Variants in SCO2 observed in about 807,000 individuals in gnomAD.
SCO2 encodes the protein synthesis of cytochrome C oxidase 2.
For synonymous variants in SCO2, 195 were observed against 148.6 expected (o/e 1.31, Z -2.27); for missense variants, 429 against 348.7 (o/e 1.23, Z -1.83).
upstream of SCO2, chr22:50,526,438 G>C: frequency 6.7e-7 from 1 of 1,497,886 alleles, no homozygotes; most frequent in Non-Finnish European, 8.8e-7. Flanking sequence ...CCCTGGGCCT[G>C]AGTCCCCGCG....
chr22:50,524,191 G>T lies in SCO2; in HGVS notation c.221C>A (p.Ala74Asp), dbSNP rs773919773. 11 of 1,608,654 alleles carry T rather than the reference G, an allele frequency of 6.8e-6. No individual in the cohort carries two copies. The Admixed American group carries it at 1.7e-4, about 24-fold the overall frequency. Reference protein sequence around the residue: ...TGLFGAGLGGAWLALRAEKER... With the variant: ...TGLFGAGLGGDWLALRAEKER... ...CTTCTCAGCCCTCAGGGCCAGCCAG[G>T]CCCCACCGAGTCCAGCCCCGAACAG... The change falls in exon 2 of 2, where the codon GCC becomes GAC. Residue 74 changes from alanine (A) to aspartate (D), a missense_variant. Ala to Asp is a moderately radical substitution (Grantham distance 126). Coordinates refer to ENST00000395693, the MANE Select transcript of SCO2 (RefSeq NM_005138.3).
At chr22:50,525,706 C>A, upstream of SCO2, 2 of 1,572,370 alleles carry the variant, frequency 1.3e-6, no homozygotes, top group East Asian at 2.4e-5. Context: ...CGGCCCCCGC[C>A]TCCGCAGCCC....
At chr22:50,525,390 A>G (rs1012965864) in intron 1 of SCO2, 82 bp downstream of exon 1, 2 of 301,120 alleles carry the variant, frequency 6.6e-6, no homozygotes, top group East Asian at 1.1e-4. Context: ...AGCCCCGCGC[A>G]GTAGCCGGAG....
upstream of SCO2, chr22:50,525,631 C>T (rs993040913): frequency 3.0e-6 from 4 of 1,332,742 alleles, no homozygotes; most frequent in Non-Finnish European, 2.1e-6. Flanking sequence ...CGGGCGCAGC[C>T]GCTGACAGGC....
At chr22:50,525,880 G>C, upstream of SCO2, 1 of 1,583,790 alleles carries the variant, frequency 6.3e-7, no homozygotes. Flanking sequence ...GGGCCGCTGA[G>C]CGCGGGGCCG....
chr22:50,525,969 T>TGCGGGGCC, upstream of SCO2: 4 of 1,372,786 alleles, frequency 2.9e-6, no homozygotes, highest in Admixed American at 3.6e-5. Context: ...TGGGCGGGGG[T>TGCGGGGCC]GCGGGGCCAG....
At position 50,524,341 on chromosome 22, in the gene SCO2, C is replaced by T; in HGVS notation, c.71G>A (p.Gly24Glu). 1 of 1,601,778 alleles carries T rather than the reference C, an allele frequency of 6.2e-7. No individual in the cohort carries two copies. The highest frequency in any genetic ancestry group is 8.5e-7 in the Non-Finnish European group (1 of 1,179,932). Residue 24 changes from glycine to glutamate, a missense_variant, in exon 2 of 2, where the codon GGG becomes GAG. Coordinates refer to ENST00000395693, the MANE Select transcript of SCO2 (RefSeq NM_005138.3). Reference sequence around the variant, plus strand: ...ATGCAGGGCCTGGCCTCCCAGGGTCCCAGGGAGGACCCGAGGCTTGAGCTG... The same window carrying T: ...ATGCAGGGCCTGGCCTCCCAGGGTCTCAGGGAGGACCCGAGGCTTGAGCTG... ...LSQLKPRVLP[G>E]TLGGQALHLR... is the part of the protein sequence containing the mutation.
chr22:50,526,189 C>T (rs113802488), upstream of SCO2: 9,302 of 1,478,040 alleles, frequency 6.3e-3, 416 homozygotes, highest in African/African-American at 0.11. Context: ...GGGGCGGGGC[C>T]TCGGGAAGGG....
At chr22:50,525,624 G>T, upstream of SCO2, 1 of 1,263,936 alleles carries the variant, frequency 7.9e-7, no homozygotes, top group Non-Finnish European at 1.1e-6. Context: ...GCGCACACGG[G>T]CGCAGCCGCT....
chr22:50,526,101 C>T (rs906039407), upstream of SCO2: 10 of 1,490,042 alleles, frequency 6.7e-6, no homozygotes, highest in Non-Finnish European at 8.9e-6. Context: ...GCTCGTGCAG[C>T]ACCAGCGCCA....
chr22:50,524,268 C>T lies in SCO2; in HGVS notation c.144G>A (p.Gly48=), dbSNP rs763296606. Residue 48 remains glycine, a synonymous_variant, in exon 2 of 2, where the codon GGG becomes GGA. Transcript: ENST00000395693. ...GCCCAGGGCCCTGGGGCTGGCCCTGCCCACCTGTCTCTGCAGGGCCCTGCC... is the reference window on the plus strand; with the variant it reads ...GCCCAGGGCCCTGGGGCTGGCCCTGTCCACCTGTCTCTGCAGGGCCCTGCC... ...LSRQGPAETG[G]QGQPQGPGLR... The T allele has an allele frequency of 2.5e-6, 4 of 1,604,364 alleles. No individual in the cohort carries two copies. The highest frequency in any genetic ancestry group is 3.4e-6 in the Non-Finnish European group (4 of 1,179,810).
In SCO2 at chr22:50,523,693, T is replaced by C. The variant is rs751314207; in HGVS notation, c.719A>G (p.Tyr240Cys). 1.1e-5 allele frequency: 17 copies of C among 1,614,056 alleles called. No individual in the cohort carries two copies. Among genetic ancestry groups the C allele is most frequent in the Non-Finnish European group, 1.4e-5 (17 of 1,180,036 alleles). The change falls in exon 2 of 2, where the codon TAC becomes TGC. Residue 240 changes from tyrosine (Y) to cysteine (C), a missense_variant. By Grantham distance (194) the Tyr-to-Cys change is radical. Transcript: ENST00000395693. ...LLNPDGLFTD[Y>C]YGRSRSAEQI... ...CTCAGCCGATCTGCTCCGGCCGTAG[T>C]AATCCGTGAAGAGGCCGTCAGGGTT...
chr22:50,524,458 G>T (rs766166937), intron 1 of SCO2, 34 bp from the exon 2 acceptor site: 2 of 1,592,604 alleles, frequency 1.3e-6, no homozygotes, highest in African/African-American at 2.7e-5. Flanking sequence ...GAGCCAGAAG[G>T]GAAGGCCCAG....
At chr22:50,526,208 G>A (rs575710924), upstream of SCO2, 10 of 1,494,364 alleles carry the variant, frequency 6.7e-6, no homozygotes, top group South Asian at 7.5e-5. Context: ...GGAAGGGGAT[G>A]GCGGAGGCGG....
At chr22:50,526,399 C>G, upstream of SCO2, 1 of 1,518,366 alleles carries the variant, frequency 6.6e-7, no homozygotes, top group Non-Finnish European at 8.7e-7. Context: ...GCCGAGCCGT[C>G]GTCCAGCGCC....
chr22:50,523,912 A>G lies in SCO2; in HGVS notation c.500T>C (p.Val167Ala). The change falls in exon 2 of 2, where the codon GTG becomes GCG. Residue 167 changes from valine to alanine, a missense_variant. Coordinates refer to ENST00000395693, the MANE Select transcript of SCO2 (RefSeq NM_005138.3). ...TTCAACGTCGTCCCGCTCGGGGTCC[A>G]CAGTGATGAAGACAGGCTGCACTGG... ...LPPVQPVFIT[V>A]DPERDDVEAM... The G allele has an allele frequency of 3.1e-6, 5 of 1,613,702 alleles. No individual in the cohort carries two copies. The highest frequency in any genetic ancestry group is 4.2e-6 in the Non-Finnish European group (5 of 1,179,932).
In SCO2 at chr22:50,524,054, G is replaced by C; in HGVS notation, c.358C>G (p.Arg120Gly). Residue 120 changes from arginine (R) to glycine (G), a missense_variant, in exon 2 of 2, where the codon CGG (arginine) becomes GGG (glycine). Physicochemically the swap from Arg to Gly is moderately radical, Grantham distance 125. Transcript: ENST00000395693. ...AAGTACATCAGCACCCACTGGCCCC[G>C]GAAGTCAGCCTTGCAGCGAGCCCGG... ...RGRARCKADFRGQWVLMYFGF... is the reference protein window; with the variant it reads ...RGRARCKADFGGQWVLMYFGF... 1 of 1,613,390 alleles carries C rather than the reference G, an allele frequency of 6.2e-7. No homozygotes were observed. The highest frequency in any genetic ancestry group is 1.7e-5 in the Admixed American group (1 of 60,024).
Position 50,524,413 on chromosome 22 carries a change from G to T in SCO2, c.-2C>A. The T allele has an allele frequency of 6.2e-7, 1 of 1,607,474 alleles. No individual in the cohort carries two copies. The highest frequency in any genetic ancestry group is 1.1e-5 in the South Asian group (1 of 91,034). ...GGGGCTCCGAGTCAGCAGCAGCATG[G>T]ATCTGATGCTCCTGGAAACAAGCAC... On this transcript the variant is annotated 5_prime_UTR_variant, in exon 2 of 2. Transcript: ENST00000395693.
At chr22:50,525,646 A>G (rs936085829), upstream of SCO2, 20 of 1,426,456 alleles carry the variant, frequency 1.4e-5, no homozygotes, top group Admixed American at 3.9e-5. Flanking sequence ...ACAGGCTCTC[A>G]GCGCGTGCGC....
Sources: allele counts gnomAD v4.1 joint callset, GRCh38; gene constraint gnomAD v4.1.1; transcripts MANE v1.5; gene names NCBI Gene and HGNC (gene_info 2026-07-23, HGNC 2026-07-21).